IGF1: variants seen among roughly 807,000 people sequenced by gnomAD.
The protein encoded by IGF1 is insulin-like growth factor 1.
IGF1 carries 4 observed loss-of-function variants against 13.8 expected under a neutral mutation model. That is an observed-to-expected ratio of 0.29 (90% CI 0.14 to 0.66). IGF1 has a LOEUF of 0.66. Ranked by LOEUF, IGF1 falls within the 30% of genes least tolerant of loss-of-function variation. The probability of loss-of-function intolerance (pLI) is 0.78; values close to 1 mark genes in which losing one functional copy is unlikely to be tolerated. For synonymous variants in IGF1, 76 were observed against 72.6 expected, an observed-to-expected ratio of 1.05 and a Z score of -0.23; for missense variants, 124 against 188.5, an observed-to-expected ratio of 0.66 and a Z score of 2.00.
At chr12:102,439,864 G>T (rs1877560156) in intron 2 of IGF1, among the ~76,000 whole-genome samples, 1 of 152,172 alleles carries the variant, frequency 6.6e-6, no homozygotes, top group Admixed American at 6.5e-5. Flanking sequence ...CTCTTCTGAG[G>T]ACTAGACAAG....
intron 3 of IGF1, 142 bp downstream of exon 3, chr12:102,419,367 A>T: frequency 1.4e-6 from 1 of 723,352 alleles, no homozygotes; most frequent in Non-Finnish European, 2.3e-6. Context: ...AGAGATGGGG[A>T]TGTAATCCAT....
chr12:102,434,161 T>TA (rs1190297047), intron 2 of IGF1, among the ~76,000 whole-genome samples: 159 of 151,736 alleles, frequency 1.0e-3, no homozygotes, highest in African/African-American at 3.7e-3. Flanking sequence ...TTTTTTTTTT[T>TA]ATTATACTTT....
rs957905337 is a variant in IGF1 at position 102,479,991 on chromosome 12, C to G, written c.63+328G>C. ...ACCTGCAAAAGAAAAAAAAAATCCC[C>G]AAGTTCATATCCATGCTCTATAGCC... On this transcript the variant is annotated intron_variant, in intron 1 of 3. Coordinates refer to ENST00000337514, the MANE Select transcript of IGF1 (RefSeq NM_000618.5). Among the ~76,000 whole-genome samples, 6 of 152,004 alleles carry G rather than the reference C, an allele frequency of 3.9e-5. No individual in the cohort carries two copies. In the South Asian group the frequency reaches 8.4e-4, roughly 21 times the overall value.
At chr12:102,444,760 G>A (rs1341127052) in intron 2 of IGF1, among the ~76,000 whole-genome samples, 1 of 152,092 alleles carries the variant, frequency 6.6e-6, no homozygotes, top group East Asian at 1.9e-4. Flanking sequence ...AAAATGAATA[G>A]GCAAGGCAAA....
intron 2 of IGF1, among the ~76,000 whole-genome samples, chr12:102,425,997 C>CA (rs1876167730): frequency 6.6e-6 from 1 of 152,122 alleles, no homozygotes; most frequent in Admixed American, 6.5e-5. Flanking sequence ...AATCAAATGC[C>CA]AAGAGGTCAT....
chr12:102,437,109 C>T (rs914892736), intron 2 of IGF1, among the ~76,000 whole-genome samples: 18 of 152,328 alleles, frequency 1.2e-4, no homozygotes, highest in Admixed American at 3.9e-4. Context: ...GCCTTCTCAA[C>T]GAATCTATTT....
intron 2 of IGF1, among the ~76,000 whole-genome samples, chr12:102,458,426 C>T (rs1443229673): frequency 6.6e-6 from 1 of 152,128 alleles, no homozygotes; most frequent in Admixed American, 6.5e-5. Flanking sequence ...GTTCTGTTTA[C>T]CTAAATTCCC....
At chr12:102,461,459 C>G (rs1383119786) in intron 2 of IGF1, among the ~76,000 whole-genome samples, 2 of 148,342 alleles carry the variant, frequency 1.3e-5, no homozygotes, top group South Asian at 4.2e-4. Flanking sequence ...CTAATTAACT[C>G]AGACCCATAA....
intron 2 of IGF1, among the ~76,000 whole-genome samples, chr12:102,443,555 C>T (rs944639105): frequency 2.0e-5 from 3 of 152,042 alleles, no homozygotes; most frequent in Admixed American, 6.5e-5. Context: ...AAACAAACTT[C>T]CATATTGTTT....
At chr12:102,442,898 T>A (rs1485876734) in intron 2 of IGF1, among the ~76,000 whole-genome samples, 1 of 152,152 alleles carries the variant, frequency 6.6e-6, no homozygotes, top group African/African-American at 2.4e-5. Context: ...GGCACTGTGC[T>A]AGGCACCACT....
intron 2 of IGF1, among the ~76,000 whole-genome samples, chr12:102,426,937 G>A (rs1317694689): frequency 6.6e-6 from 1 of 151,890 alleles, no homozygotes; most frequent in East Asian, 1.9e-4. Context: ...ATTCACTGAT[G>A]TACTTTTGAG....
intron 3 of IGF1, among the ~76,000 whole-genome samples, chr12:102,409,459 G>A (rs908124756): frequency 7.9e-5 from 12 of 152,280 alleles, no homozygotes; most frequent in East Asian, 1.9e-4. Context: ...TAATGGATGC[G>A]AATTTCCTGC....
chr12:102,413,839 A>C (rs944049522), intron 3 of IGF1, among the ~76,000 whole-genome samples: 8 of 152,168 alleles, frequency 5.3e-5, no homozygotes, highest in Non-Finnish European at 1.0e-4. Context: ...AATGGCTCTC[A>C]CTTGGGAGAG....
intron 2 of IGF1, among the ~76,000 whole-genome samples, chr12:102,472,306 C>T (rs1008290958): frequency 1.3e-5 from 2 of 152,066 alleles, no homozygotes; most frequent in African/African-American, 4.8e-5. Context: ...CTTTCACTTG[C>T]TGTAGTGGAA....
At chr12:102,408,209 C>CA (rs1346348594) in intron 3 of IGF1, among the ~76,000 whole-genome samples, 1 of 152,230 alleles carries the variant, frequency 6.6e-6, no homozygotes, top group Non-Finnish European at 1.5e-5. Context: ...GCTCAGATAT[C>CA]AGCCCTTTAC....
chr12:102,431,968 C>T (rs1474638686), intron 2 of IGF1, among the ~76,000 whole-genome samples: 2 of 152,172 alleles, frequency 1.3e-5, no homozygotes, highest in Admixed American at 6.5e-5. Flanking sequence ...TGTTTCATAG[C>T]CTGCCAAGAC....
chr12:102,418,581 A>G (rs548742852), intron 3 of IGF1, among the ~76,000 whole-genome samples: 1 of 152,316 alleles, frequency 6.6e-6, no homozygotes, highest in African/African-American at 2.4e-5. Flanking sequence ...AGAGTCCCCA[A>G]AATACTTAAA....
chr12:102,451,854 T>TG (rs961359723), intron 2 of IGF1, among the ~76,000 whole-genome samples: 1 of 152,102 alleles, frequency 6.6e-6, no homozygotes, highest in African/African-American at 2.4e-5. Context: ...GATTGGAGCA[T>TG]GGGGGTGGTT....
At chr12:102,412,651 G>A (rs1180325336) in intron 3 of IGF1, among the ~76,000 whole-genome samples, 2 of 152,108 alleles carry the variant, frequency 1.3e-5, no homozygotes, top group African/African-American at 4.8e-5. Context: ...TTTCCAAAAT[G>A]TTTTCTAGCT....
Sources: gnomAD v4.1 joint callset for allele counts (sites outside exome capture counted in the v4.1 genomes callset) on GRCh38, gnomAD v4.1.1 for gene constraint, MANE v1.5 for transcripts, NCBI Gene and HGNC (gene_info 2026-07-23, HGNC 2026-07-21) for gene names.